The following DENND5B variants were observed in gnomAD, a reference collection of about 807,000 sequenced individuals.
DENND5B encodes DENN domain-containing protein 5B.
In DENND5B, 34 loss-of-function variants were observed where a neutral mutation model predicts 140.6. That is an observed-to-expected ratio of 0.24 (90% confidence interval 0.18 to 0.32). The LOEUF (loss-of-function observed/expected upper bound fraction) is 0.32. Ranked by LOEUF, DENND5B falls within the 10% of genes least tolerant of loss-of-function variation. The pLI, the probability that DENND5B is intolerant of heterozygous loss-of-function variation, is 1.00. For missense variants in DENND5B, 1,142 were observed against 1,560.2 expected (o/e 0.73, Z 4.52); for synonymous variants, 551 against 562.1 (o/e 0.98, Z 0.28).
chr12:31,419,525 CACAG>C (rs1205330114), intron 11 of DENND5B, among the ~76,000 whole-genome samples: 2 of 131,996 alleles, frequency 1.5e-5, no homozygotes, highest in South Asian at 2.6e-4. Context: ...ATAAATGTAG[CACAG>C]ACAGCACGTT....
chr12:31,519,240 T>A (rs926048044), intron 1 of DENND5B, among the ~76,000 whole-genome samples: 1 of 152,194 alleles, frequency 6.6e-6, no homozygotes, highest in Non-Finnish European at 1.5e-5. Context: ...GAAATTAGAT[T>A]TGCATCCTTT....
At chr12:31,478,663 T>A (rs1371201672) in intron 3 of DENND5B, among the ~76,000 whole-genome samples, 2 of 151,900 alleles carry the variant, frequency 1.3e-5, no homozygotes, top group East Asian at 3.9e-4. Flanking sequence ...ATTGCACTAC[T>A]GCACTCCAGC....
At chr12:31,500,416 A>C (rs1258089192) in intron 1 of DENND5B, 2 of 453,278 alleles carry the variant, frequency 4.4e-6, no homozygotes, top group East Asian at 1.4e-4. Context: ...ATGTTGGCTC[A>C]CAACTGTAAT....
intron 4 of DENND5B, among the ~76,000 whole-genome samples, chr12:31,457,365 A>C (rs1023367337): frequency 1.3e-5 from 2 of 152,218 alleles, no homozygotes; most frequent in Non-Finnish European, 2.9e-5. Flanking sequence ...TAATTTATAA[A>C]TCTATGTAGT....
chr12:31,409,208 C>G lies in DENND5B; in HGVS notation c.2803+55G>C. 2.0e-6 allele frequency: 3 copies of G among 1,482,030 alleles called. No homozygotes were observed. The South Asian group carries it at 4.2e-5, about 21-fold the overall frequency. The allele number at this position is 1,482,030 out of a possible 1,614,324, so 91.8% of individuals were successfully genotyped here. On this transcript the variant is annotated intron_variant, in intron 14 of 20. Coordinates refer to ENST00000389082, the MANE Select transcript of DENND5B (RefSeq NM_144973.4). ...TATCTTGCTTTAAAAAATATAAATG[C>G]TTTTATTGCATTGGTCACCTCAGTA...
At chr12:31,411,336 CTTTTTTTTTT>C (rs143130029) in intron 13 of DENND5B, among the ~76,000 whole-genome samples, 1 of 62,094 alleles carries the variant, frequency 1.6e-5, no homozygotes, top group African/African-American at 6.2e-5. Context: ...CACGCCCGGC[CTTTTTTTTTT>C]TTTTTTTTTT....
intron 4 of DENND5B, among the ~76,000 whole-genome samples, chr12:31,453,879 T>C (rs570130149): frequency 6.6e-6 from 1 of 152,244 alleles, no homozygotes; most frequent in East Asian, 1.9e-4. Context: ...TGGTGCCTCA[T>C]GCCTGTAATT....
rs1282732489 is a variant in DENND5B at position 31,479,777 on chromosome 12, G to A, written c.716C>T (p.Pro239Leu). 3.1e-6 allele frequency: 5 copies of A among 1,610,362 alleles called. No individual in the cohort carries two copies. The African/African-American group carries it at 6.7e-5, about 21-fold the overall frequency. The change falls in exon 3 of 21, where the codon CCA becomes CTA. Residue 239 changes from proline to leucine, a missense_variant. By Grantham distance (98) the Pro-to-Leu change is moderately conservative (BLOSUM62 -3). This residue lies in a region of DENND5B where 708 missense variants were observed against 905.5 expected (regional missense o/e 0.78). Coordinates refer to ENST00000389082, the MANE Select transcript of DENND5B (RefSeq NM_144973.4). ...IHNILYEVPL[P>L]PPGRSLKFYG... The stretch of plus-strand genomic sequence containing the variant: ...AAATTTCAGTGACCTCCCTGGAGGT[G>A]GAAGGGGTACTTCATAAAGAATATT...
chr12:31,431,340 G>A (rs537832868), intron 8 of DENND5B, among the ~76,000 whole-genome samples: 14 of 152,120 alleles, frequency 9.2e-5, no homozygotes, highest in Non-Finnish European at 1.5e-4. Context: ...GACATAATGG[G>A]GGAAAACTAT....
At chr12:31,587,525 CCTTTTTTTTT>C (rs1950435758) in intron 1 of DENND5B, among the ~76,000 whole-genome samples, 5 of 130,522 alleles carry the variant, frequency 3.8e-5, no homozygotes, top group East Asian at 2.2e-4. Flanking sequence ...ACCACAAATA[CCTTTTTTTTT>C]TTTTTTTTTT....
intron 3 of DENND5B, among the ~76,000 whole-genome samples, chr12:31,476,529 T>A (rs899123107): frequency 1.3e-5 from 2 of 150,638 alleles, no homozygotes; most frequent in African/African-American, 4.9e-5. Flanking sequence ...ATGTGGCAAC[T>A]GTCACACAGG....
rs145504183 is a variant in DENND5B, at chr12:31,580,207, T to C, written c.127+10499A>G. Among the ~76,000 whole-genome samples, 627 of 152,112 alleles carry C rather than the reference T, an allele frequency of 4.1e-3. 5 individuals are homozygous for C. Among genetic ancestry groups the C allele is most frequent in the African/African-American group, 0.014 (572 of 41,508 alleles). On this transcript the variant is annotated intron_variant, in intron 1 of 20. Transcript: ENST00000389082. ...TCATCACTTGGCACTAGTTTATAAA[T>C]AAATAAGACATGTTTGCTTAAAAAA...
chr12:31,415,984 C>T (rs968801241), intron 11 of DENND5B, among the ~76,000 whole-genome samples: 9 of 151,686 alleles, frequency 5.9e-5, no homozygotes, highest in African/African-American at 2.2e-4. Flanking sequence ...TACAGGCATG[C>T]ACCACCACAC....
At chr12:31,549,724 G>A (rs914467164) in intron 1 of DENND5B, among the ~76,000 whole-genome samples, 1 of 152,000 alleles carries the variant, frequency 6.6e-6, no homozygotes. Flanking sequence ...ACAGACCCCA[G>A]TGTGTGTTGT....
intron 1 of DENND5B, among the ~76,000 whole-genome samples, chr12:31,575,495 T>C (rs1318133774): frequency 6.6e-6 from 1 of 152,172 alleles, no homozygotes; most frequent in Non-Finnish European, 1.5e-5. Flanking sequence ...AGTCCTGATC[T>C]ACAGCAATAA....
intron 1 of DENND5B, among the ~76,000 whole-genome samples, chr12:31,538,255 T>C (rs1443817772): frequency 1.3e-5 from 2 of 152,180 alleles, no homozygotes; most frequent in African/African-American, 4.8e-5. Flanking sequence ...GGATGGACCA[T>C]ATGTTATGTC....
chr12:31,452,243 G>A lies in DENND5B; in HGVS notation c.1326C>T (p.Ile442=), dbSNP rs1342699546. 6.2e-7 allele frequency: 1 copy of A among 1,613,810 alleles called. No homozygotes were observed. Among genetic ancestry groups the A allele is most frequent in the African/African-American group, 1.3e-5 (1 of 74,890 alleles). The change falls in exon 5 of 21, where the codon ATC becomes ATT. Residue 442 remains isoleucine (I), a synonymous_variant. Coordinates refer to ENST00000389082, the MANE Select transcript of DENND5B (RefSeq NM_144973.4). The part of the protein sequence containing the change: ...KKNGNVCTNN[I]SMYELLKGNE... ...TGCCCTTCAGTAACTCATACATGCT[G>A]ATGTTATTAGTACAGACATTGCCGT...
intron 1 of DENND5B, among the ~76,000 whole-genome samples, chr12:31,569,433 G>C (rs1258573431): frequency 6.6e-6 from 1 of 152,134 alleles, no homozygotes; most frequent in Non-Finnish European, 1.5e-5. Flanking sequence ...AGTGAGCTGG[G>C]CATAAATAGA....
chr12:31,576,526 A>G (rs1030124571), intron 1 of DENND5B, among the ~76,000 whole-genome samples: 2 of 151,892 alleles, frequency 1.3e-5, no homozygotes, highest in Non-Finnish European at 2.9e-5. Context: ...AAAAAGAAAA[A>G]AAGAAATTTC....
Sources: allele counts gnomAD v4.1 joint callset (sites outside exome capture counted in the v4.1 genomes callset), GRCh38; gene constraint gnomAD v4.1.1; regional missense constraint gnomAD v4.1.1; transcripts MANE v1.5; gene names NCBI Gene and HGNC (gene_info 2026-07-23, HGNC 2026-07-21).